Variants in QTMAN observed in about 807,000 individuals in gnomAD.
QTMAN encodes the protein queuosine-tRNA mannosyltransferase, also known as tRNA-queuosine alpha-mannosyltransferase.
chr2:144,233,711 C>T, the QTMAN span, among the ~76,000 whole-genome samples: 15 of 152,268 alleles, frequency 9.9e-5, no homozygotes, highest in East Asian at 2.7e-3. Flanking sequence ...GATTTTCTTG[C>T]CCCTTTAAAG....
chr2:144,236,291 G>T, the QTMAN span, among the ~76,000 whole-genome samples: 7 of 152,184 alleles, frequency 4.6e-5, no homozygotes, highest in African/African-American at 1.7e-4. Context: ...AATACCTTAA[G>T]AATACTACTT....
At chr2:143,990,737 T>G in the QTMAN span, among the ~76,000 whole-genome samples, 1 of 151,992 alleles carries the variant, frequency 6.6e-6, no homozygotes, top group Non-Finnish European at 1.5e-5. Context: ...TATAGGCTCG[T>G]GATCAAAATT....
the QTMAN span, among the ~76,000 whole-genome samples, chr2:144,273,247 C>T: frequency 1.3e-5 from 2 of 151,360 alleles, no homozygotes; most frequent in Admixed American, 6.6e-5. Flanking sequence ...TTATAGGAAA[C>T]GCTCAATTAG....
chr2:144,178,203 T>C, the QTMAN span: 3 of 152,170 alleles, frequency 2.0e-5, no homozygotes, highest in Non-Finnish European at 4.4e-5. Flanking sequence ...GTTTTGACTC[T>C]AAAATTTCCT....
At chr2:144,301,192 G>C in the QTMAN span, among the ~76,000 whole-genome samples, 1 of 152,010 alleles carries the variant, frequency 6.6e-6, no homozygotes, top group Non-Finnish European at 1.5e-5. Context: ...TAGTAAAAAA[G>C]ATGTACCTTT....
At chr2:143,993,892 G>A in the QTMAN span, among the ~76,000 whole-genome samples, 1 of 152,066 alleles carries the variant, frequency 6.6e-6, no homozygotes, top group South Asian at 2.1e-4. Context: ...AAAGAGTTTA[G>A]GGGAAAAAAA....
the QTMAN span, among the ~76,000 whole-genome samples, chr2:144,201,812 T>C: frequency 6.6e-6 from 1 of 152,172 alleles, no homozygotes; most frequent in Non-Finnish European, 1.5e-5. Flanking sequence ...CTCTCTCAAC[T>C]ACACATATTC....
At chr2:144,312,212 A>G in the QTMAN span, among the ~76,000 whole-genome samples, 7 of 150,498 alleles carry the variant, frequency 4.7e-5, no homozygotes, top group Non-Finnish European at 1.0e-4. Flanking sequence ...AATAAAGACA[A>G]GAGTCTCACT....
the QTMAN span, among the ~76,000 whole-genome samples, chr2:143,980,771 C>T: frequency 6.6e-5 from 10 of 152,332 alleles, no homozygotes; most frequent in Admixed American, 3.9e-4. Context: ...GCTGAGCTTA[C>T]GACTCCCTCT....
chr2:144,008,723 G>A, the QTMAN span, among the ~76,000 whole-genome samples: 23 of 152,114 alleles, frequency 1.5e-4, no homozygotes, highest in East Asian at 3.7e-3. Context: ...ATCCAAGAGA[G>A]TAATATCACA....
the QTMAN span, among the ~76,000 whole-genome samples, chr2:144,010,904 T>C: frequency 7.9e-5 from 12 of 152,100 alleles, no homozygotes; most frequent in Non-Finnish European, 1.6e-4. Context: ...AAGCTGAATT[T>C]CAAGAAAAAC....
chr2:144,031,264 C>T, the QTMAN span, among the ~76,000 whole-genome samples: 14 of 151,344 alleles, frequency 9.3e-5, no homozygotes, highest in Admixed American at 2.0e-4. Flanking sequence ...CCATCTAGGA[C>T]GAAAATTCAA....
At chr2:144,145,294 T>G in the QTMAN span, among the ~76,000 whole-genome samples, 3 of 151,916 alleles carry the variant, frequency 2.0e-5, no homozygotes, top group East Asian at 3.9e-4. Flanking sequence ...AATCAAGGGG[T>G]GAAGGTCCCT....
the QTMAN span, among the ~76,000 whole-genome samples, chr2:144,010,234 C>T: frequency 6.6e-5 from 10 of 151,928 alleles, no homozygotes; most frequent in African/African-American, 2.2e-4. Flanking sequence ...TTGTAAACAA[C>T]AGGAATTGGT....
the QTMAN span, among the ~76,000 whole-genome samples, chr2:143,975,358 A>G: frequency 6.6e-6 from 1 of 152,178 alleles, no homozygotes; most frequent in African/African-American, 2.4e-5. Flanking sequence ...TACATATTGA[A>G]TACAATCTCC....
At chr2:144,047,520 C>T in the QTMAN span, among the ~76,000 whole-genome samples, 1 of 152,134 alleles carries the variant, frequency 6.6e-6, no homozygotes, top group African/African-American at 2.4e-5. Flanking sequence ...GTACAGCTGA[C>T]CCTATCTCTG....
At chr2:144,160,308 T>C in the QTMAN span, among the ~76,000 whole-genome samples, 2 of 152,108 alleles carry the variant, frequency 1.3e-5, no homozygotes, top group Admixed American at 1.3e-4. Flanking sequence ...TACAAAAATG[T>C]TGAGATATGG....
the QTMAN span, among the ~76,000 whole-genome samples, chr2:144,199,259 G>T: frequency 5.3e-5 from 8 of 152,134 alleles, no homozygotes; most frequent in African/African-American, 1.9e-4. Flanking sequence ...ATGTTGGCCA[G>T]GCTGGTCTCG....
the QTMAN span, among the ~76,000 whole-genome samples, chr2:144,311,484 T>C: frequency 4.6e-5 from 7 of 152,192 alleles, no homozygotes; most frequent in Admixed American, 6.5e-5. Context: ...ACTGCAAAGA[T>C]GACATAAAAA....
Sources: gnomAD v4.1 joint callset for allele counts (sites outside exome capture counted in the v4.1 genomes callset) on GRCh38, gnomAD v4.1.1 for gene constraint, MANE v1.5 for transcripts, NCBI Gene and HGNC (gene_info 2026-07-23, HGNC 2026-07-21) for gene names.